Variants in DOCK3 observed in about 807,000 individuals in gnomAD.
DOCK3 encodes dedicator of cytokinesis protein 3.
DOCK3 carries 60 observed loss-of-function variants against 265.6 expected under a neutral mutation model. The observed-to-expected ratio is 0.23, with a 90% CI of 0.18 to 0.28. The LOEUF (loss-of-function observed/expected upper bound fraction) is 0.28, where lower values mean the gene tolerates loss of function less well. DOCK3 is among the 10% of genes least tolerant of loss of function. DOCK3 has a pLI of 1.00. For synonymous variants in DOCK3, 881 were observed against 938.0 expected, an observed-to-expected ratio of 0.94 and a Z score of 1.11; for missense variants, 1,981 against 2,594.3, an observed-to-expected ratio of 0.76 and a Z score of 5.14.
chr3:50,742,474 G>C (rs1576305103), intron 1 of DOCK3, among the ~76,000 whole-genome samples: 1 of 150,416 alleles, frequency 6.6e-6, no homozygotes, highest in East Asian at 2.0e-4. Context: ...TGTATAACTA[G>C]AATAACCAAT....
At chr3:50,838,412 C>T (rs984442844) in intron 2 of DOCK3, among the ~76,000 whole-genome samples, 1 of 152,200 alleles carries the variant, frequency 6.6e-6, no homozygotes, top group Non-Finnish European at 1.5e-5. Context: ...GAGTATAAAA[C>T]TTTGCCTTAA....
chr3:51,227,155 T>A (rs1453739926), intron 15 of DOCK3, 128 bp from the exon 16 acceptor site: 2 of 974,396 alleles, frequency 2.1e-6, no homozygotes, highest in East Asian at 4.8e-5. Flanking sequence ...TGCATTTTCT[T>A]ATCTCATAGA....
At chr3:51,175,947 G>A (rs1160418591) in intron 12 of DOCK3, among the ~76,000 whole-genome samples, 2 of 152,140 alleles carry the variant, frequency 1.3e-5, no homozygotes, top group African/African-American at 4.8e-5. Flanking sequence ...GTTCAGACAT[G>A]CATTGTTTGA....
At chr3:51,010,045 G>A (rs2078879037) in intron 5 of DOCK3, among the ~76,000 whole-genome samples, 1 of 152,156 alleles carries the variant, frequency 6.6e-6, no homozygotes, top group African/African-American at 2.4e-5. Flanking sequence ...CAACTCTGTG[G>A]TCAATTTTGG....
chr3:51,341,300 A>T lies in DOCK3; in HGVS notation c.3830A>T (p.Glu1277Val), dbSNP rs1029068361. Residue 1277 changes from glutamate (E) to valine (V), a missense_variant, in exon 38 of 53, where the codon GAA (glutamate) becomes GTA (valine). By Grantham distance (121) the Glu-to-Val change is moderately radical (BLOSUM62 -2). Transcript: ENST00000266037. ...LLQWEDRPLREFLHYPSQTEW... is the reference protein window; with the variant it reads ...LLQWEDRPLRVFLHYPSQTEW... ...CAGTGGGAGGACCGGCCACTACGGG[A>T]ATTCCTCCACTACCCATCGCAGACA... 1 of 1,612,718 alleles carries T rather than the reference A, an allele frequency of 6.2e-7. No individual in the cohort carries two copies. Among genetic ancestry groups the T allele is most frequent in the Non-Finnish European group, 8.5e-7 (1 of 1,179,300 alleles).
chr3:50,679,472 T>G (rs1210716730), intron 1 of DOCK3, among the ~76,000 whole-genome samples: 3 of 152,174 alleles, frequency 2.0e-5, no homozygotes, highest in African/African-American at 7.2e-5. Context: ...TTGGTTAGGT[T>G]TCTCCAGATA....
At chr3:51,094,203 T>G (rs1016404460) in intron 9 of DOCK3, among the ~76,000 whole-genome samples, 13 of 152,214 alleles carry the variant, frequency 8.5e-5, no homozygotes, top group African/African-American at 3.1e-4. Context: ...TAGGGATGAT[T>G]CCCTCTTTTT....
intron 9 of DOCK3, among the ~76,000 whole-genome samples, chr3:51,131,692 T>A (rs1274724003): frequency 6.6e-6 from 1 of 152,204 alleles, no homozygotes; most frequent in Non-Finnish European, 1.5e-5. Flanking sequence ...GCCAGAGCTC[T>A]ACATGAGTCA....
chr3:51,151,953 G>C (rs1429230170), intron 10 of DOCK3, among the ~76,000 whole-genome samples: 3 of 152,126 alleles, frequency 2.0e-5, no homozygotes, highest in Non-Finnish European at 4.4e-5. Context: ...CAACTTTGGT[G>C]AATCTGACAA....
At chr3:50,907,958 T>A (rs2049624257) in intron 4 of DOCK3, among the ~76,000 whole-genome samples, 1 of 152,048 alleles carries the variant, frequency 6.6e-6, no homozygotes, top group Non-Finnish European at 1.5e-5. Flanking sequence ...GGAGGGCATA[T>A]GCATCCAGTC....
chr3:51,155,565 G>A (rs1034486358), intron 10 of DOCK3, among the ~76,000 whole-genome samples: 4 of 152,106 alleles, frequency 2.6e-5, no homozygotes, highest in African/African-American at 9.7e-5. Context: ...CTTAGAATAG[G>A]GAAAAGGGAA....
intron 6 of DOCK3, among the ~76,000 whole-genome samples, chr3:51,070,685 A>C (rs2081824488): frequency 1.3e-5 from 2 of 152,196 alleles, no homozygotes; most frequent in South Asian, 4.1e-4. Context: ...ACTGCTCCAC[A>C]AGAAATCTTA....
At chr3:50,813,988 G>A (rs907337294) in intron 2 of DOCK3, among the ~76,000 whole-genome samples, 6 of 152,054 alleles carry the variant, frequency 3.9e-5, no homozygotes, top group Admixed American at 3.9e-4. Flanking sequence ...TCTGGGTAGG[G>A]GATACAAAAT....
chr3:51,222,877 T>C (rs1321947671), intron 14 of DOCK3, among the ~76,000 whole-genome samples: 1 of 152,216 alleles, frequency 6.6e-6, no homozygotes, highest in African/African-American at 2.4e-5. Flanking sequence ...AGCATATCTC[T>C]GTATAGTCAA....
At chr3:51,097,094 A>G (rs1267017927) in intron 9 of DOCK3, among the ~76,000 whole-genome samples, 1 of 152,214 alleles carries the variant, frequency 6.6e-6, no homozygotes, top group East Asian at 1.9e-4. Context: ...TCAGGGACCC[A>G]CTTGAGGAGA....
At chr3:50,749,232 C>T (rs919399110) in intron 1 of DOCK3, among the ~76,000 whole-genome samples, 2 of 152,148 alleles carry the variant, frequency 1.3e-5, no homozygotes, top group Non-Finnish European at 2.9e-5. Context: ...TGTTTTGCTT[C>T]CCTAGCCTGG....
chr3:51,219,584 TG>T (rs1385364036), intron 14 of DOCK3, among the ~76,000 whole-genome samples: 2 of 152,240 alleles, frequency 1.3e-5, no homozygotes, highest in Non-Finnish European at 2.9e-5. Context: ...AAACTATTTT[TG>T]TATGAGACTG....
chr3:50,865,192 A>G (rs1179102300), intron 3 of DOCK3, among the ~76,000 whole-genome samples: 3 of 152,162 alleles, frequency 2.0e-5, no homozygotes, highest in African/African-American at 7.2e-5. Flanking sequence ...GTACAATCCA[A>G]TTATTATTGA....
At chr3:51,281,001 C>A (rs1246292180) in intron 27 of DOCK3, among the ~76,000 whole-genome samples, 2 of 152,188 alleles carry the variant, frequency 1.3e-5, no homozygotes, top group Admixed American at 6.5e-5. Context: ...GAAGATGATT[C>A]TCCAGAATCA....
Sources: allele counts gnomAD v4.1 joint callset (sites outside exome capture counted in the v4.1 genomes callset), GRCh38; gene constraint gnomAD v4.1.1; transcripts MANE v1.5; gene names NCBI Gene and HGNC (gene_info 2026-07-23, HGNC 2026-07-21).